LRCOL1: variants seen among roughly 807,000 people sequenced by gnomAD.
The protein encoded by LRCOL1 is leucine-rich colipase-like protein 1.
In LRCOL1, 21 loss-of-function variants were observed where a neutral mutation model predicts 21.6. That is an observed-to-expected ratio of 0.97 (90% CI 0.69 to 1.40). The LOEUF (loss-of-function observed/expected upper bound fraction) is 1.40, where lower values mean the gene tolerates loss of function less well. LRCOL1 is among the 40% of genes most tolerant of loss of function. The pLI is 0.00. For missense variants in LRCOL1, 198 were observed against 202.3 expected, an observed-to-expected ratio of 0.98 and a Z score of 0.13; for synonymous variants, 98 against 90.1, an observed-to-expected ratio of 1.09 and a Z score of -0.49.
intron 5 of LRCOL1, 88 bp from the exon 6 acceptor site, chr12:132,603,492 A>T: frequency 6.5e-7 from 1 of 1,535,118 alleles, no homozygotes; most frequent in Non-Finnish European, 8.7e-7. Flanking sequence ...GGGCCACAGC[A>T]TCTCCCGGCA....
chr12:132,604,035 GC>G lies in LRCOL1; in HGVS notation c.477+218del. Reference sequence around the variant, plus strand: ...GTCTCTGACCGGGCACCCGTGCCCTGCGGGGCCTGGTGGGCTCAGTGCCAGC... The same window carrying G: ...GTCTCTGACCGGGCACCCGTGCCCTGGGGGCCTGGTGGGCTCAGTGCCAGC... On this transcript the variant is annotated intron_variant, in intron 5 of 5. Coordinates refer to ENST00000376608, the MANE Select transcript of LRCOL1 (RefSeq NM_001195520.2). 7.9e-6 allele frequency: 11 copies of G among 1,387,334 alleles called. No homozygotes were observed. In the South Asian group the frequency reaches 1.8e-4, roughly 23 times the overall value. 85.9% of individuals were successfully genotyped at this position (1,387,334 alleles called of 1,614,324 possible).
chr12:132,607,286 A>G (rs932754322), intron 1 of LRCOL1, among the ~76,000 whole-genome samples: 6 of 152,222 alleles, frequency 3.9e-5, no homozygotes, highest in African/African-American at 1.2e-4. Flanking sequence ...CCAAAGCCAT[A>G]CGGGAAAACC....
At chr12:132,605,335 T>C (rs116320824) in intron 2 of LRCOL1, among the ~76,000 whole-genome samples, 1,755 of 152,360 alleles carry the variant, frequency 0.012, 30 homozygotes, top group African/African-American at 0.04. Context: ...GCTATGTCTA[T>C]TGACGTTACT....
chr12:132,604,334 GGCTGTGACACTCCTGATGGCTGCT>G lies in LRCOL1; in HGVS notation c.373_396del (p.Ser125_Ser132del). Reference sequence around the variant, plus strand: ...TACTCCCTCAGCTGGATGCAGCACTGGCTGTGACACTCCTGATGGCTGCTGCAGAAGTCGCCGTTGGGCTGGGGA... The same window carrying G: ...TACTCCCTCAGCTGGATGCAGCACTGGCAGAAGTCGCCGTTGGGCTGGGGA... On this transcript the variant is annotated inframe_deletion, in exon 5 of 6. Coordinates refer to ENST00000376608, the MANE Select transcript of LRCOL1 (RefSeq NM_001195520.2). 1 of 1,535,884 alleles carries G rather than the reference GGCTGTGACACTCCTGATGGCTGCT, an allele frequency of 6.5e-7. No homozygotes were observed. The highest frequency in any genetic ancestry group is 8.7e-7 in the Non-Finnish European group (1 of 1,146,834).
At position 132,606,257 on chromosome 12, in the gene LRCOL1, G is replaced by A; in HGVS notation, c.-6C>T. ...GTCCACCCCGGGCCGGCCATCGGGT[G>A]TGTGGACCTGCAGAGACCCAGGATT... On this transcript the variant is annotated 5_prime_UTR_variant, in exon 2 of 6. Transcript: ENST00000376608. The surrounding 1 kb of genome is among the most constrained non-coding windows in gnomAD (Gnocchi z 4.6). 1 of 1,536,202 alleles carries A rather than the reference G, an allele frequency of 6.5e-7. No individual in the cohort carries two copies. The highest frequency in any genetic ancestry group is 1.2e-5 in the South Asian group (1 of 84,020).
intron 1 of LRCOL1, among the ~76,000 whole-genome samples, chr12:132,607,653 TTCTGTCTCTGTCTC>T (rs1427374145): frequency 7.1e-6 from 1 of 140,324 alleles, no homozygotes; most frequent in African/African-American, 2.7e-5. Flanking sequence ...CTCTGTCTCT[TTCTGTCTCTGTCTC>T]TTTCTGTCTC....
intron 1 of LRCOL1, among the ~76,000 whole-genome samples, chr12:132,607,951 C>T (rs1426124299): frequency 2.0e-5 from 3 of 149,860 alleles, no homozygotes; most frequent in Admixed American, 6.6e-5. Flanking sequence ...CTTTCTCTGC[C>T]TCTCCCTCTC....
chr12:132,605,832 A>G, intron 2 of LRCOL1: 1 of 389,074 alleles, frequency 2.6e-6, no homozygotes, highest in Non-Finnish European at 4.6e-6. Context: ...ACACTGGTGC[A>G]GCTCCCATGT....
rs1386141235 is a variant in LRCOL1 at position 132,604,377 on chromosome 12, C to G, written c.355-1G>C. ...GGCTGCTGCAGAAGTCGCCGTTGGG[C>G]TGGGGAGGCAGCCAGGCAGCAGTCG... On this transcript the variant is annotated splice_acceptor_variant, in intron 4 of 5. Transcript: ENST00000376608. LOFTEE classifies it high-confidence loss of function. 1.3e-6 allele frequency: 2 copies of G among 1,535,120 alleles called. No individual in the cohort carries two copies. The highest frequency in any genetic ancestry group is 2.0e-5 in the Admixed American group (1 of 50,940).
chr12:132,605,746 T>C lies in LRCOL1; in HGVS notation c.105+401A>G, dbSNP rs10870479. 4.1e-3 allele frequency: 217 copies of C among 52,624 alleles called. 1 individual carries two copies. Among genetic ancestry groups the C allele is most frequent in the South Asian group, 0.014 (22 of 1,552 alleles). The allele number at this position is 52,624 out of a possible 1,614,324, so 3.3% of individuals were successfully genotyped here. A position where few individuals can be genotyped will look rare whatever the true frequency, so the allele number is the denominator to read the frequency against. On this transcript the variant is annotated intron_variant, in intron 2 of 5. Coordinates refer to ENST00000376608, the MANE Select transcript of LRCOL1 (RefSeq NM_001195520.2). ...TTCATCTCTCTCTCTCTCTCTCTCT[T>C]ACACACACACGCACACAATTTAAAA...
rs1227897695 is a variant in LRCOL1 at position 132,606,525 on chromosome 12, C to T, written c.-13-261G>A. 6.6e-6 allele frequency among the ~76,000 whole-genome samples: 1 copy of T among 152,226 alleles called. No individual in the cohort carries two copies. The highest frequency in any genetic ancestry group is 1.5e-5 in the Non-Finnish European group (1 of 68,044). On this transcript the variant is annotated intron_variant, in intron 1 of 5. Coordinates refer to ENST00000376608, the MANE Select transcript of LRCOL1 (RefSeq NM_001195520.2). This position sits in a 1 kb window ranked among gnomAD's most constrained non-coding sequence, Gnocchi z 4.6. ...ATAAACATGCTGCACTCGTGTGACA[C>T]ATCTGTCCACCATTGATAGACCCAC...
rs535509080 is a variant in LRCOL1 at position 132,604,226 on chromosome 12, G to A, written c.477+28C>T. On this transcript the variant is annotated intron_variant, in intron 5 of 5. Coordinates refer to ENST00000376608, the MANE Select transcript of LRCOL1 (RefSeq NM_001195520.2). ...CCCTGTGGCGGCCAAGGGAGGGCCT[G>A]GAGGCTGAGCCCCCGCCCGGGACTT... 4 of 1,516,094 alleles carry A rather than the reference G, an allele frequency of 2.6e-6. No individual in the cohort carries two copies. In the South Asian group the frequency reaches 5.0e-5, roughly 19 times the overall value. 93.9% of individuals were successfully genotyped at this position (1,516,094 alleles called of 1,614,324 possible). A position where few individuals can be genotyped will look rare whatever the true frequency, so the allele number is the denominator to read the frequency against.
At chr12:132,603,767 C>T (rs2041259578) in intron 5 of LRCOL1, 14 of 985,316 alleles carry the variant, frequency 1.4e-5, no homozygotes, top group Non-Finnish European at 1.7e-5. Context: ...CCGCTGGCGA[C>T]CTGGCCCCCT....
At chr12:132,604,110 G>C in intron 5 of LRCOL1, 144 bp downstream of exon 5, 1 of 1,432,578 alleles carries the variant, frequency 7.0e-7, no homozygotes, top group Non-Finnish European at 9.1e-7. Context: ...GCGGTGAAGC[G>C]CCGGCCTCTC....
rs2041316021 is a variant in LRCOL1 at position 132,606,864 on chromosome 12, C to A, written c.-13-600G>T. ...TGTGGCTTTTCGTGGCATAATGACTCATTTCTTTTTAGCACTGCATGGAAA... is the reference window on the plus strand; with the variant it reads ...TGTGGCTTTTCGTGGCATAATGACTAATTTCTTTTTAGCACTGCATGGAAA... On this transcript the variant is annotated intron_variant, in intron 1 of 5. Coordinates refer to ENST00000376608, the MANE Select transcript of LRCOL1 (RefSeq NM_001195520.2). The surrounding 1 kb of genome is among the most constrained non-coding windows in gnomAD (Gnocchi z 4.6). 6.6e-6 allele frequency among the ~76,000 whole-genome samples: 1 copy of A among 152,040 alleles called. No individual in the cohort carries two copies. Among genetic ancestry groups the A allele is most frequent in the Non-Finnish European group, 1.5e-5 (1 of 67,978 alleles).
rs201221790 is a variant in LRCOL1 at position 132,607,721 on chromosome 12, GTCTC to G, written c.-13-1461_-13-1458del. ...TGTCTCTGTCTCTCCCTCTGTCTCTGTCTCTCTGTCTCTCCCTCTCTCCGTCTCT... is the reference window on the plus strand; with the variant it reads ...TGTCTCTGTCTCTCCCTCTGTCTCTGTCTGTCTCTCCCTCTCTCCGTCTCT... On this transcript the variant is annotated intron_variant, in intron 1 of 5. Transcript: ENST00000376608. Among the ~76,000 whole-genome samples, 15 of 141,858 alleles carry G rather than the reference GTCTC, an allele frequency of 1.1e-4. No individual in the cohort carries two copies. The East Asian group carries it at 2.3e-3, about 21-fold the overall frequency. The allele number at this position is 141,858 out of a possible 152,430, so 93.1% of individuals were successfully genotyped here.
At position 132,606,562 on chromosome 12, in the gene LRCOL1, A is replaced by G. The variant is rs141787720; in HGVS notation, c.-13-298T>C. On this transcript the variant is annotated intron_variant, in intron 1 of 5. Coordinates refer to ENST00000376608, the MANE Select transcript of LRCOL1 (RefSeq NM_001195520.2). The surrounding 1 kb of genome is among the most constrained non-coding windows in gnomAD (Gnocchi z 4.6). The stretch of plus-strand genomic sequence containing the variant: ...ATTGATAGACCCACAGGGACGTGCC[A>G]TCATCACCCGGAGTCCACAGCTCAG... 4.2e-3 allele frequency among the ~76,000 whole-genome samples: 642 copies of G among 152,246 alleles called. 3 individuals are homozygous for G. The highest frequency in any genetic ancestry group is 6.7e-3 in the Non-Finnish European group (456 of 68,012).
At chr12:132,604,041 C>T in intron 5 of LRCOL1, 3 of 1,390,734 alleles carry the variant, frequency 2.2e-6, no homozygotes, top group Non-Finnish European at 2.8e-6. Flanking sequence ...CCCTGCGGGG[C>T]CTGGTGGGCT....
rs199505799 is a variant in LRCOL1, at chr12:132,607,751, GTCTC to G, written c.-13-1491_-13-1488del. 1.3e-3 allele frequency among the ~76,000 whole-genome samples: 152 copies of G among 116,548 alleles called. 2 individuals are homozygous for G. The East Asian group carries it at 0.026, about 20-fold the overall frequency. 76.5% of individuals were successfully genotyped at this position (116,548 alleles called of 152,430 possible). A position where few individuals can be genotyped will look rare whatever the true frequency, so the allele number is the denominator to read the frequency against. ...TCTGTCTCTCCCTCTCTCCGTCTCT[GTCTC>G]TCTCTGTCTCTCCCTCTCTTTCTCT... On this transcript the variant is annotated intron_variant, in intron 1 of 5. Coordinates refer to ENST00000376608, the MANE Select transcript of LRCOL1 (RefSeq NM_001195520.2).
Sources: gnomAD v4.1 joint callset for allele counts (sites outside exome capture counted in the v4.1 genomes callset) on GRCh38, gnomAD v4.1.1 for gene constraint, Gnocchi (gnomAD v3.1) non-coding constraint, MANE v1.5 for transcripts, NCBI Gene and HGNC (gene_info 2026-07-23, HGNC 2026-07-21) for gene names.